The following COMP variants were observed in gnomAD, a reference collection of about 807,000 sequenced individuals.
COMP encodes the protein cartilage oligomeric matrix protein.
COMP carries 79 observed loss-of-function variants against 95.8 expected under a neutral mutation model. The observed-to-expected ratio is 0.82, with a 90% CI of 0.69 to 0.99. The LOEUF (loss-of-function observed/expected upper bound fraction) is 0.99, where lower values mean the gene tolerates loss of function less well. Among genes scored for constraint, COMP ranks in the 50% least tolerant of loss-of-function variants. COMP has a pLI of 0.00. For synonymous variants in COMP, 438 were observed against 433.9 expected (o/e 1.01, Z -0.12); for missense variants, 906 against 1,076.1 (o/e 0.84, Z 2.21).
chr19:18,787,915 T>C (rs545880544), intron 9 of COMP, among the ~76,000 whole-genome samples: 56 of 149,458 alleles, frequency 3.7e-4, no homozygotes, highest in Non-Finnish European at 5.5e-4. Context: ...TCTTTCTTTC[T>C]TTTTTTTGAG....
chr19:18,787,674 G>T, intron 9 of COMP, 24 bp from the exon 10 acceptor site: 1 of 1,612,476 alleles, frequency 6.2e-7, no homozygotes, highest in Non-Finnish European at 8.5e-7. Context: ...TGGGTTAAGG[G>T]TGAGATCAGG....
intron 11 of COMP, 67 bp from the exon 12 acceptor site, chr19:18,786,358 C>T (rs528720862): frequency 6.2e-7 from 1 of 1,608,936 alleles, no homozygotes; most frequent in East Asian, 2.2e-5. Flanking sequence ...CCACCCAACC[C>T]AGCCGCACAG....
In COMP at chr19:18,788,016, G is replaced by A. The variant is rs1352021305; in HGVS notation, c.975+196C>T. Among the ~76,000 whole-genome samples, 1 of 151,690 alleles carries A rather than the reference G, an allele frequency of 6.6e-6. No homozygotes were observed. The highest frequency in any genetic ancestry group is 1.5e-5 in the Non-Finnish European group (1 of 67,956). On this transcript the variant is annotated intron_variant, in intron 9 of 18. Coordinates refer to ENST00000222271, the MANE Select transcript of COMP (RefSeq NM_000095.3). This position sits in a 1 kb window ranked among gnomAD's most constrained non-coding sequence, Gnocchi z 4.7. ...CCTCCCGGGTTCAAGCGATTCTCCTGCCTCAGCCTCCTGAGTAGCTGGGAT... is the reference window on the plus strand; with the variant it reads ...CCTCCCGGGTTCAAGCGATTCTCCTACCTCAGCCTCCTGAGTAGCTGGGAT...
At chr19:18,790,223 C>G (rs1161369020) in intron 3 of COMP, 109 bp from the exon 4 acceptor site, 10 of 864,916 alleles carry the variant, frequency 1.2e-5, no homozygotes, top group Non-Finnish European at 1.7e-5. Flanking sequence ...CCCCCCCACC[C>G]CCCGCCCCGG....
At chr19:18,785,226 G>A (rs1008253320) in intron 15 of COMP, 134 bp from the exon 16 acceptor site, 7 of 976,706 alleles carry the variant, frequency 7.2e-6, no homozygotes, top group African/African-American at 1.6e-5. Flanking sequence ...CGCAGAGCCC[G>A]GACTCAGCCA....
Position 18,788,784 on chromosome 19 carries a change from G to A in COMP, c.604-34C>T. 1.9e-6 allele frequency: 3 copies of A among 1,604,818 alleles called. No homozygotes were observed. The highest frequency in any genetic ancestry group is 1.7e-6 in the Non-Finnish European group (2 of 1,176,236). ...GAGCCGCCGGAGGTCAGCGCAGGCC[G>A]CCCGCCGCTCGCCCCACCTCCCGCG... On this transcript the variant is annotated intron_variant, in intron 6 of 18. Transcript: ENST00000222271. The surrounding 1 kb of genome is among the most constrained non-coding windows in gnomAD (Gnocchi z 4.7).
Position 18,788,832 on chromosome 19 carries a change from G to T in COMP, c.603+7C>A, listed in dbSNP as rs1832731442. The T allele has an allele frequency of 1.2e-6, 2 of 1,613,610 alleles. No individual in the cohort carries two copies. Among genetic ancestry groups the T allele is most frequent in the Non-Finnish European group, 1.7e-6 (2 of 1,179,948 alleles). ...GCGATCCTTTCTTCCTCCCCAGCGGGCCTTACCCGGGTGTTGATGCACACG... is the reference window on the plus strand; with the variant it reads ...GCGATCCTTTCTTCCTCCCCAGCGGTCCTTACCCGGGTGTTGATGCACACG... On this transcript the variant is annotated splice_region_variant and intron_variant, in intron 6 of 18. Transcript: ENST00000222271. The surrounding 1 kb of genome is among the most constrained non-coding windows in gnomAD (Gnocchi z 4.7).
At chr19:18,791,097 C>G in intron 1 of COMP, 94 bp downstream of exon 1, 11 of 1,514,234 alleles carry the variant, frequency 7.3e-6, no homozygotes, top group Non-Finnish European at 9.8e-6. Context: ...ACGAACAGTC[C>G]GTGAGCCCCA....
At position 18,789,571 on chromosome 19, in the gene COMP, C is replaced by A. The variant is rs1384993057; in HGVS notation, c.391-274G>T. 6.6e-6 allele frequency among the ~76,000 whole-genome samples: 1 copy of A among 151,282 alleles called. No homozygotes were observed. Among genetic ancestry groups the A allele is most frequent in the African/African-American group, 2.4e-5 (1 of 41,082 alleles). On this transcript the variant is annotated intron_variant, in intron 4 of 18. Transcript: ENST00000222271. The surrounding 1 kb of genome is among the most constrained non-coding windows in gnomAD (Gnocchi z 6.1). ...CAGAGGGGGGCAGGGGTCGTCGGGG[C>A]GTGCGTGCCCGGCGGTGGCGGGGGG... is the stretch of plus-strand genomic sequence containing the variant.
At position 18,789,123 on chromosome 19, in the gene COMP, C is replaced by T. The variant is rs1475759542; in HGVS notation, c.528+37G>A. ...GGTAAACAAAATGGACGCCCCCTTC[C>T]CTTCTGCTCCAAAAATGGGGCCCCC... On this transcript the variant is annotated intron_variant, in intron 5 of 18. Transcript: ENST00000222271. This position sits in a 1 kb window ranked among gnomAD's most constrained non-coding sequence, Gnocchi z 6.1. 1 of 1,575,930 alleles carries T rather than the reference C, an allele frequency of 6.3e-7. No homozygotes were observed. Among genetic ancestry groups the T allele is most frequent in the South Asian group, 1.2e-5 (1 of 84,546 alleles).
At chr19:18,787,347 C>G (rs1276327037) in intron 10 of COMP, 144 bp downstream of exon 10, 1 of 1,186,896 alleles carries the variant, frequency 8.4e-7, no homozygotes, top group South Asian at 1.3e-5. Flanking sequence ...TTTTCTGGCG[C>G]CCCACCATGG....
In COMP at chr19:18,788,144, C is replaced by A; in HGVS notation, c.975+68G>T. On this transcript the variant is annotated intron_variant, in intron 9 of 18. Coordinates refer to ENST00000222271, the MANE Select transcript of COMP (RefSeq NM_000095.3). The surrounding 1 kb of genome is among the most constrained non-coding windows in gnomAD (Gnocchi z 4.7). The stretch of plus-strand genomic sequence containing the variant: ...GTCTCCATCTCTTGACCTCGTGATC[C>A]GCCCGCCTCGGCCTCCCAAAGTGCT... 1 of 1,324,386 alleles carries A rather than the reference C, an allele frequency of 7.6e-7. No homozygotes were observed. The allele number at this position is 1,324,386 out of a possible 1,614,324, so 82.0% of individuals were successfully genotyped here.
chr19:18,787,046 T>A, intron 10 of COMP: 1 of 344,892 alleles, frequency 2.9e-6, no homozygotes, highest in Middle Eastern at 1.0e-3. Context: ...TCTGGAATTA[T>A]AGGCATGAGC....
chr19:18,785,458 C>A (rs768047444), intron 15 of COMP, 40 bp downstream of exon 15: 3 of 1,611,758 alleles, frequency 1.9e-6, no homozygotes, highest in Non-Finnish European at 2.5e-6. Context: ...TCTCCCTGAG[C>A]CCGCTCCGTG....
In COMP at chr19:18,788,339, G is replaced by C; in HGVS notation, c.868-20C>G. On this transcript the variant is annotated intron_variant, in intron 8 of 18. Coordinates refer to ENST00000222271, the MANE Select transcript of COMP (RefSeq NM_000095.3). This position sits in a 1 kb window ranked among gnomAD's most constrained non-coding sequence, Gnocchi z 4.7. ...GTTGTCCTGGGGGCGGGCACAGAAG[G>C]TGTGAGGGGCGCGGTCATGAAGTCC... 1 of 1,609,222 alleles carries C rather than the reference G, an allele frequency of 6.2e-7. No individual in the cohort carries two copies. The highest frequency in any genetic ancestry group is 1.1e-5 in the South Asian group (1 of 91,060).
chr19:18,785,454 T>G (rs1490668207), intron 15 of COMP, 44 bp downstream of exon 15: 2 of 1,556,760 alleles, frequency 1.3e-6, no homozygotes, highest in Non-Finnish European at 1.7e-6. Context: ...CCCCTCTCCC[T>G]GAGCCCGCTC....
At position 18,785,489 on chromosome 19, in the gene COMP, G is replaced by T; in HGVS notation, c.1717+9C>A. 1 of 1,613,126 alleles carries T rather than the reference G, an allele frequency of 6.2e-7. No individual in the cohort carries two copies. The highest frequency in any genetic ancestry group is 8.5e-7 in the Non-Finnish European group (1 of 1,179,994). ...CCGTGGCAGGATAGCGCTGCTCCCC[G>T]CTTCTCACCCACAGCCAGGCCTGGG... On this transcript the variant is annotated intron_variant, in intron 15 of 18. Coordinates refer to ENST00000222271, the MANE Select transcript of COMP (RefSeq NM_000095.3).
intron 3 of COMP, 38 bp from the exon 4 acceptor site, chr19:18,790,152 G>A (rs1453107011): frequency 2.7e-6 from 4 of 1,467,328 alleles, no homozygotes; most frequent in Non-Finnish European, 2.7e-6. Flanking sequence ...GGGGCTGATC[G>A]GTGGCTCGCC....
At position 18,789,903 on chromosome 19, in the gene COMP, G is replaced by A. The variant is rs912445537; in HGVS notation, c.390+39C>T. The A allele has an allele frequency of 2.5e-6, 4 of 1,591,844 alleles. No homozygotes were observed. On this transcript the variant is annotated intron_variant, in intron 4 of 18. Transcript: ENST00000222271. This position sits in a 1 kb window ranked among gnomAD's most constrained non-coding sequence, Gnocchi z 6.1. ...CGGCGAGAGATTGGGGGGCGGTAGA[G>A]GGAGTCGTCAGGGCGGTGGAGTGTC... is the stretch of plus-strand genomic sequence containing the variant.
Sources: gnomAD v4.1 joint callset for allele counts (sites outside exome capture counted in the v4.1 genomes callset) on GRCh38, gnomAD v4.1.1 for gene constraint, Gnocchi (gnomAD v3.1) non-coding constraint, MANE v1.5 for transcripts, NCBI Gene and HGNC (gene_info 2026-07-23, HGNC 2026-07-21) for gene names.